Variants in SQOR observed in about 807,000 individuals in gnomAD.
SQOR encodes sulfide quinone oxidoreductase, also known as sulfide:quinone oxidoreductase, mitochondrial.
SQOR carries 39 observed loss-of-function variants against 48.6 expected under a neutral mutation model. The observed-to-expected ratio is 0.80, with a 90% CI of 0.62 to 1.05. The LOEUF is 1.05. Ranked by LOEUF, SQOR falls within the 50% of genes least tolerant of loss-of-function variation. The pLI is 0.00. For missense variants in SQOR, 561 were observed against 559.9 expected (o/e 1.00, Z -0.02); for synonymous variants, 220 against 206.2 (o/e 1.07, Z -0.57).
rs370512559 is a variant in SQOR at position 45,653,454 on chromosome 15, AT to A, written c.-17-5452del. On this transcript the variant is annotated intron_variant, in intron 1 of 9. Coordinates refer to ENST00000260324, the MANE Select transcript of SQOR (RefSeq NM_021199.4). ...AGGAATGGCCATATGGAAGAGACAT[AT>A]GGGGCAAGGTAGCAGGGTGGTGCAG... is the stretch of plus-strand genomic sequence containing the variant. 6.8e-3 allele frequency among the ~76,000 whole-genome samples: 1,034 copies of A among 152,292 alleles called. 13 individuals are homozygous for A. The highest frequency in any genetic ancestry group is 0.023 in the African/African-American group (941 of 41,562).
chr15:45,655,238 C>T (rs1220367038), intron 1 of SQOR, among the ~76,000 whole-genome samples: 2 of 152,224 alleles, frequency 1.3e-5, no homozygotes, highest in African/African-American at 2.4e-5. Flanking sequence ...GCCAGGCCTC[C>T]TCCTAGATTG....
chr15:45,672,597 C>T (rs1778638916), intron 4 of SQOR, among the ~76,000 whole-genome samples: 1 of 152,090 alleles, frequency 6.6e-6, no homozygotes, highest in Non-Finnish European at 1.5e-5. Context: ...AAGGACCAGG[C>T]CATCTTGATG....
chr15:45,660,176 G>T (rs1889693929), intron 2 of SQOR, among the ~76,000 whole-genome samples: 1 of 152,176 alleles, frequency 6.6e-6, no homozygotes, highest in South Asian at 2.1e-4. Flanking sequence ...TGTACTGGTT[G>T]GGAGCTGTAT....
At chr15:45,672,037 T>C (rs1236977116) in intron 4 of SQOR, among the ~76,000 whole-genome samples, 1 of 152,192 alleles carries the variant, frequency 6.6e-6, no homozygotes, top group Non-Finnish European at 1.5e-5. Context: ...GAAAGGAGCT[T>C]GGTTACCACT....
intron 7 of SQOR, among the ~76,000 whole-genome samples, chr15:45,686,050 A>G (rs916743731): frequency 1.3e-4 from 19 of 143,726 alleles, no homozygotes; most frequent in African/African-American, 4.4e-4. Flanking sequence ...GGGTCTCCCT[A>G]TGTTGCCCAA....
intron 8 of SQOR, 142 bp from the exon 9 acceptor site, chr15:45,688,897 A>G (rs1890270303): frequency 1.5e-6 from 1 of 646,844 alleles, no homozygotes; most frequent in African/African-American, 1.9e-5. Context: ...AATATAATTT[A>G]CATTTTTCAC....
chr15:45,648,393 G>A (rs1889389130), intron 1 of SQOR, among the ~76,000 whole-genome samples: 1 of 152,100 alleles, frequency 6.6e-6, no homozygotes. Flanking sequence ...GGCCAGGATG[G>A]TCTCCATCTC....
rs1205721822 is a variant in SQOR at position 45,682,509 on chromosome 15, G to T, written c.896G>T (p.Ser299Ile). 2 of 1,614,182 alleles carry T rather than the reference G, an allele frequency of 1.2e-6. No individual in the cohort carries two copies. The highest frequency in any genetic ancestry group is 8.5e-7 in the Non-Finnish European group (1 of 1,180,028). The part of the protein sequence containing the change: ...YEMLHVTPPM[S>I]PPDVLKTSPV... ...ATGCTTCATGTCACACCTCCAATGA[G>T]CCCACCAGATGTCCTCAAGACCAGT... Residue 299 changes from serine to isoleucine, a missense_variant, in exon 7 of 10, where the codon AGC becomes ATC. By Grantham distance (142) the Ser-to-Ile change is moderately radical. Coordinates refer to ENST00000260324, the MANE Select transcript of SQOR (RefSeq NM_021199.4).
rs766991371 is a variant in SQOR, at chr15:45,676,104, G to T, written c.658G>T (p.Gly220Trp). 1.2e-6 allele frequency: 2 copies of T among 1,612,522 alleles called. No homozygotes were observed. Among genetic ancestry groups the T allele is most frequent in the Admixed American group, 3.4e-5 (2 of 59,690 alleles). The change falls in exon 6 of 10, where the codon GGG becomes TGG. Residue 220 changes from glycine (G) to tryptophan (W), a missense_variant. By Grantham distance (184) the Gly-to-Trp change is radical. Coordinates refer to ENST00000260324, the MANE Select transcript of SQOR (RefSeq NM_021199.4). ...YLSEAYFRKT[G>W]KRSKANIIFN... ...ATGGTTTTCTTATTTTTCTCAGACA[G>T]GGAAGCGATCCAAGGCCAATATCAT...
intron 1 of SQOR, among the ~76,000 whole-genome samples, 169 bp from the exon 2 acceptor site, chr15:45,658,738 C>A (rs1488456194): frequency 6.6e-6 from 1 of 152,224 alleles, no homozygotes; most frequent in Admixed American, 6.5e-5. Flanking sequence ...CAATTGGGTG[C>A]TCTCAGGAGA....
intron 3 of SQOR, 108 bp downstream of exon 3, chr15:45,662,233 G>A: frequency 8.4e-7 from 1 of 1,185,820 alleles, no homozygotes; most frequent in South Asian, 1.4e-5. Context: ...ATATGCATGT[G>A]TGTGCATGAA....
intron 6 of SQOR, among the ~76,000 whole-genome samples, chr15:45,677,071 C>G (rs1014977425): frequency 6.7e-6 from 1 of 150,242 alleles, no homozygotes; most frequent in African/African-American, 2.4e-5. Context: ...TAATCTCAAA[C>G]TTAGAGAAGT....
upstream of SQOR, among the ~76,000 whole-genome samples, chr15:45,633,731 T>C (rs1894943484): frequency 6.7e-6 from 1 of 149,822 alleles, no homozygotes; most frequent in South Asian, 2.1e-4. Context: ...AAGAAAATCA[T>C]GTCACAGAAG....
chr15:45,640,959 G>A (rs1895095657), intron 1 of SQOR, among the ~76,000 whole-genome samples: 1 of 152,122 alleles, frequency 6.6e-6, no homozygotes, highest in South Asian at 2.1e-4. Context: ...GAGCTAAGTC[G>A]TGCTTCTTTA....
chr15:45,643,685 C>CTTAG (rs1190007217), intron 1 of SQOR, among the ~76,000 whole-genome samples: 2 of 152,220 alleles, frequency 1.3e-5, no homozygotes, highest in Non-Finnish European at 2.9e-5. Flanking sequence ...GTTCTGCAAA[C>CTTAG]TTAGCCCCTG....
At chr15:45,687,587 C>T (rs550694003) in intron 7 of SQOR, among the ~76,000 whole-genome samples, 1 of 145,348 alleles carries the variant, frequency 6.9e-6, no homozygotes, top group South Asian at 2.2e-4. Context: ...TCTAAAAATA[C>T]AGCGGGAAAA....
At chr15:45,662,426 C>T (rs1264779353) in intron 3 of SQOR, among the ~76,000 whole-genome samples, 4 of 152,186 alleles carry the variant, frequency 2.6e-5, no homozygotes, top group South Asian at 2.1e-4. Context: ...TTTGTTTATA[C>T]GTTGCTACAT....
chr15:45,646,878 T>C (rs1889350038), intron 1 of SQOR, among the ~76,000 whole-genome samples: 1 of 152,202 alleles, frequency 6.6e-6, no homozygotes, highest in South Asian at 2.1e-4. Context: ...AGAATCTCGG[T>C]GTATATTTCT....
rs370511978 is a variant in SQOR, at chr15:45,691,062, C to T, written c.*32C>T. The T allele has an allele frequency of 5.0e-6, 8 of 1,599,684 alleles. No homozygotes were observed. In the African/African-American group the frequency reaches 1.1e-4, roughly 21 times the overall value. ...CTCAGCACTTGCTCATCTTGGATGG[C>T]TTCTGGGCCAAAACTGCAGTCACTG... On this transcript the variant is annotated 3_prime_UTR_variant, in exon 10 of 10. Coordinates refer to ENST00000260324, the MANE Select transcript of SQOR (RefSeq NM_021199.4).
Sources: allele counts gnomAD v4.1 joint callset (sites outside exome capture counted in the v4.1 genomes callset), GRCh38; gene constraint gnomAD v4.1.1; transcripts MANE v1.5; gene names NCBI Gene and HGNC (gene_info 2026-07-23, HGNC 2026-07-21).